The following MAP3K7 variants were observed in gnomAD, a reference collection of about 807,000 sequenced individuals.
MAP3K7 encodes TGF-beta activated kinase 1.
Under a neutral mutation model 84.8 loss-of-function variants are expected in MAP3K7, and 21 were observed. The observed-to-expected ratio is 0.25, with a 90% CI of 0.18 to 0.36. The LOEUF is 0.36. MAP3K7 is among the 10% of genes least tolerant of loss of function. The pLI, the probability that MAP3K7 is intolerant of heterozygous loss-of-function variation, is 1.00. For missense variants in MAP3K7, 503 were observed against 747.7 expected (o/e 0.67, Z 3.82); for synonymous variants, 241 against 247.7 (o/e 0.97, Z 0.25).
chr6:90,540,958 T>A (rs1191553494), intron 12 of MAP3K7, among the ~76,000 whole-genome samples: 1 of 151,944 alleles, frequency 6.6e-6, no homozygotes, highest in Non-Finnish European at 1.5e-5. Context: ...CCCAATAATC[T>A]ATTTCATTTG....
At chr6:90,530,187 G>A (rs561966815) in intron 13 of MAP3K7, among the ~76,000 whole-genome samples, 32 of 152,230 alleles carry the variant, frequency 2.1e-4, no homozygotes, top group Admixed American at 1.0e-3. Flanking sequence ...GGCAGACCAG[G>A]GTTTCAGAGT....
At chr6:90,526,112 G>C (rs1327875351) in intron 13 of MAP3K7, among the ~76,000 whole-genome samples, 1 of 151,952 alleles carries the variant, frequency 6.6e-6, no homozygotes, top group African/African-American at 2.4e-5. Flanking sequence ...CAAAGTGCTG[G>C]GATTACAGGT....
At chr6:90,574,455 G>C (rs1777007154) in intron 1 of MAP3K7, among the ~76,000 whole-genome samples, 1 of 152,050 alleles carries the variant, frequency 6.6e-6, no homozygotes, top group African/African-American at 2.4e-5. Context: ...ATAGCAAGCA[G>C]GTCCTAAAAA....
intron 1 of MAP3K7, among the ~76,000 whole-genome samples, chr6:90,585,182 C>T (rs1209377105): frequency 6.6e-6 from 1 of 152,072 alleles, no homozygotes; most frequent in Non-Finnish European, 1.5e-5. Flanking sequence ...GGAAACTTGC[C>T]CCAAATCACA....
At position 90,581,750 on chromosome 6, in the gene MAP3K7, GTAT is replaced by G. The variant is rs542410362; in HGVS notation, c.120+5011_120+5013del. 9.2e-4 allele frequency among the ~76,000 whole-genome samples: 140 copies of G among 152,288 alleles called. 1 individual carries two copies. The highest frequency in any genetic ancestry group is 2.1e-3 in the South Asian group (10 of 4,828). ...AGTGGTCACTTTCACATGAAAGAAT[GTAT>G]TGATTATTTTAGGTATCCATAATTA... On this transcript the variant is annotated intron_variant, in intron 1 of 16. Coordinates refer to ENST00000369329, the MANE Select transcript of MAP3K7 (RefSeq NM_145331.3).
intron 13 of MAP3K7, among the ~76,000 whole-genome samples, chr6:90,528,840 T>A (rs1775405811): frequency 6.6e-6 from 1 of 152,238 alleles, no homozygotes; most frequent in Admixed American, 6.5e-5. Flanking sequence ...GAAAAACTGA[T>A]GAAATATGAC....
At chr6:90,581,821 C>G (rs924257878) in intron 1 of MAP3K7, among the ~76,000 whole-genome samples, 1 of 152,162 alleles carries the variant, frequency 6.6e-6, no homozygotes, top group African/African-American at 2.4e-5. Context: ...GTTTAGACCA[C>G]TATAAATTAG....
chr6:90,535,933 A>T (rs1430234710), intron 13 of MAP3K7, among the ~76,000 whole-genome samples: 1 of 152,210 alleles, frequency 6.6e-6, no homozygotes, highest in Non-Finnish European at 1.5e-5. Flanking sequence ...ACGTGGCGCT[A>T]GAGGAGTAGC....
chr6:90,528,239 A>C (rs894242047), intron 13 of MAP3K7, among the ~76,000 whole-genome samples: 16 of 152,244 alleles, frequency 1.1e-4, no homozygotes, highest in Non-Finnish European at 2.2e-4. Context: ...ACCAAAGAAG[A>C]GACTTAAAAA....
intron 2 of MAP3K7, among the ~76,000 whole-genome samples, chr6:90,569,632 C>A (rs1456070626): frequency 1.3e-5 from 2 of 152,114 alleles, no homozygotes; most frequent in Non-Finnish European, 2.9e-5. Context: ...TGCACAGCCA[C>A]CATGCCTGGT....
chr6:90,554,400 C>T (rs1037111475), intron 6 of MAP3K7, among the ~76,000 whole-genome samples: 2 of 152,144 alleles, frequency 1.3e-5, no homozygotes, highest in Non-Finnish European at 2.9e-5. Context: ...CTGAGTTACA[C>T]AGCAAAATTT....
intron 12 of MAP3K7, among the ~76,000 whole-genome samples, chr6:90,538,643 C>A (rs1455128241): frequency 6.6e-6 from 1 of 151,870 alleles, no homozygotes; most frequent in East Asian, 1.9e-4. Flanking sequence ...TAAATCTGCA[C>A]TCCTGCCCAC....
chr6:90,550,586 C>T (rs1245891618), intron 8 of MAP3K7, 37 bp from the exon 9 acceptor site: 2 of 1,319,846 alleles, frequency 1.5e-6, no homozygotes, highest in Non-Finnish European at 2.2e-6. Context: ...TTAAAATTTC[C>T]TTAATACAAA....
chr6:90,568,413 G>A (rs1362854882), intron 3 of MAP3K7, 145 bp downstream of exon 3: 3 of 610,086 alleles, frequency 4.9e-6, no homozygotes, highest in African/African-American at 3.7e-5. Context: ...TTAAAGTATT[G>A]GAGGTACCTT....
At chr6:90,575,645 G>A (rs1777049372) in intron 1 of MAP3K7, among the ~76,000 whole-genome samples, 1 of 152,022 alleles carries the variant, frequency 6.6e-6, no homozygotes, top group Admixed American at 6.6e-5. Context: ...CAGAGTGTTG[G>A]GACCTACATT....
At chr6:90,530,474 A>G in intron 13 of MAP3K7, among the ~76,000 whole-genome samples, 1 of 152,198 alleles carries the variant, frequency 6.6e-6, no homozygotes, top group Non-Finnish European at 1.5e-5. Context: ...TCTACTTTCC[A>G]AGAAACTCTT....
chr6:90,517,360 G>A (rs1182978921), intron 16 of MAP3K7, among the ~76,000 whole-genome samples: 4 of 151,538 alleles, frequency 2.6e-5, no homozygotes. Flanking sequence ...TGAGGTTACT[G>A]GATATAAATG....
At position 90,560,144 on chromosome 6, in the gene MAP3K7, G is replaced by A. The variant is rs768581171; in HGVS notation, c.414C>T (p.Ser138=). ...AHAMSWCLQC[S]QGVAYLHSMQ... ...TGCTGTGAAGATAAGCCACTCCTTG[G>A]GAACACTGTAAACACCAACTCATTG... Residue 138 remains serine, a synonymous_variant, in exon 5 of 17, where the codon TCC becomes TCT. Transcript: ENST00000369329. 6.2e-7 allele frequency: 1 copy of A among 1,614,084 alleles called. No individual in the cohort carries two copies. The highest frequency in any genetic ancestry group is 1.1e-5 in the South Asian group (1 of 91,078).
Position 90,547,271 on chromosome 6 carries a change from G to A in MAP3K7, c.1197C>T (p.Ile399=), listed in dbSNP as rs1001156640. 21 of 1,613,188 alleles carry A rather than the reference G, an allele frequency of 1.3e-5. No individual in the cohort carries two copies. The highest frequency in any genetic ancestry group is 3.3e-5 in the Admixed American group (2 of 59,926). Residue 399 remains isoleucine (I), a synonymous_variant, in exon 11 of 17, where the codon ATC becomes ATT. Coordinates refer to ENST00000369329, the MANE Select transcript of MAP3K7 (RefSeq NM_145331.3). ...GTTCCTTTTTACCTGTGGTTGCGGCGATCCTAGCTTCTATTTCAGACATGT... is the reference window on the plus strand; with the variant it reads ...GTTCCTTTTTACCTGTGGTTGCGGCAATCCTAGCTTCTATTTCAGACATGT... ...SADMSEIEAR[I]AATTAYSKPK... is the part of the protein sequence containing the mutation.
Sources: gnomAD v4.1 joint callset for allele counts (sites outside exome capture counted in the v4.1 genomes callset) on GRCh38, gnomAD v4.1.1 for gene constraint, MANE v1.5 for transcripts, NCBI Gene and HGNC (gene_info 2026-07-23, HGNC 2026-07-21) for gene names.